Variants in CASKIN2 observed in about 807,000 individuals in gnomAD.
CASKIN2 encodes the protein caskin-2.
In CASKIN2, 41 loss-of-function variants were observed where a neutral mutation model predicts 107.1. The ratio of observed to expected loss-of-function variants is 0.38; its 90% CI spans 0.30 to 0.50. The LOEUF (loss-of-function observed/expected upper bound fraction) is 0.50, where lower values mean the gene tolerates loss of function less well. Ranked by LOEUF, CASKIN2 falls within the 20% of genes least tolerant of loss-of-function variation. CASKIN2 has a pLI of 0.92. For synonymous variants in CASKIN2, 724 were observed against 705.6 expected, an observed-to-expected ratio of 1.03 and a Z score of -0.41; for missense variants, 1,546 against 1,657.4, an observed-to-expected ratio of 0.93 and a Z score of 1.17.
At position 75,513,769 on chromosome 17, in the gene CASKIN2, C is replaced by A; in HGVS notation, c.36G>T (p.Lys12Asn). The A allele has an allele frequency of 6.2e-7, 1 of 1,613,882 alleles. No homozygotes were observed. The highest frequency in any genetic ancestry group is 8.5e-7 in the Non-Finnish European group (1 of 1,180,018). ...GREQDLILAV[K>N]NGDVTGVQKL... ...TCTGCACACCGGTCACATCTCCATTCTTGACGGCGAGGATCAGGTCCTGTT... is the reference window on the plus strand; with the variant it reads ...TCTGCACACCGGTCACATCTCCATTATTGACGGCGAGGATCAGGTCCTGTT... The change falls in exon 2 of 20, where the codon AAG becomes AAT. Residue 12 changes from lysine (K) to asparagine (N), a missense_variant. Physicochemically the swap from Lys to Asn is moderately conservative, Grantham distance 94. Transcript: ENST00000321617.
Position 75,506,744 on chromosome 17 carries a change from C to T in CASKIN2, c.487-31G>A. ...GCACCCAGTGCCCAGTTAGAGCCTC[C>T]TCCTGAGACCCTGTAGATGTCCAGG... On this transcript the variant is annotated intron_variant, in intron 6 of 19. Coordinates refer to ENST00000321617, the MANE Select transcript of CASKIN2 (RefSeq NM_020753.5). This position sits in a 1 kb window ranked among gnomAD's most constrained non-coding sequence, Gnocchi z 4.8. 1 of 1,613,684 alleles carries T rather than the reference C, an allele frequency of 6.2e-7. No homozygotes were observed. Among genetic ancestry groups the T allele is most frequent in the Admixed American group, 1.7e-5 (1 of 59,996 alleles).
chr17:75,514,595 G>A (rs1176162102), intron 1 of CASKIN2, among the ~76,000 whole-genome samples: 1 of 152,208 alleles, frequency 6.6e-6, no homozygotes, highest in Non-Finnish European at 1.5e-5. Context: ...GGGGCCGGGA[G>A]GGTCAGGCAC....
chr17:75,507,889 C>A (rs1275671684), intron 3 of CASKIN2: 23 of 580,152 alleles, frequency 4.0e-5, no homozygotes, highest in Non-Finnish European at 3.1e-6. Flanking sequence ...TTGTCTCGCC[C>A]CCCCGCCTCC....
At position 75,501,966 on chromosome 17, in the gene CASKIN2, A is replaced by G. The variant is rs754355746; in HGVS notation, c.3108T>C (p.Leu1036=). ...TPGESPPASS[L]PQPEPSSLPA... ...GAAGGCTGCTGGGCTCGGGCTGGGG[A>G]AGGCTAGAAGCTGGAGGAGACTCGC... Residue 1036 remains leucine (L), a synonymous_variant, in exon 18 of 20, where the codon CTT becomes CTC. Transcript: ENST00000321617. 4 of 1,608,928 alleles carry G rather than the reference A, an allele frequency of 2.5e-6. No homozygotes were observed. In the East Asian group the frequency reaches 6.7e-5, roughly 27 times the overall value.
At position 75,506,019 on chromosome 17, in the gene CASKIN2, C is replaced by A; in HGVS notation, c.727-90G>T. 6 of 1,170,744 alleles carry A rather than the reference C, an allele frequency of 5.1e-6. No homozygotes were observed. The highest frequency in any genetic ancestry group is 7.3e-6 in the Non-Finnish European group (6 of 819,152). 72.5% of individuals were successfully genotyped at this position (1,170,744 alleles called of 1,614,324 possible). A position where few individuals can be genotyped will look rare whatever the true frequency, so the allele number is the denominator to read the frequency against. ...GCTACCCGGGACATAGGTACTATTA[C>A]CATTTTCCGATTTTACAGATGAGGA... On this transcript the variant is annotated intron_variant, in intron 8 of 19. Transcript: ENST00000321617. The surrounding 1 kb of genome is among the most constrained non-coding windows in gnomAD (Gnocchi z 4.8).
In CASKIN2 at chr17:75,501,445, C is replaced by T. The variant is rs769985148; in HGVS notation, c.3518+23G>A. 6.3e-6 allele frequency: 10 copies of T among 1,592,998 alleles called. No homozygotes were observed. The Middle Eastern group carries it at 8.3e-4, about 133-fold the overall frequency. ...CACTGTTTCTCTGCAGCCTTCTCTC[C>T]CTCCCCATCCGGCCCCCCTCACCCC... On this transcript the variant is annotated intron_variant, in intron 19 of 19. Transcript: ENST00000321617.
chr17:75,506,631 G>A lies in CASKIN2; in HGVS notation c.569C>T (p.Thr190Ile). ...EAKDPCDPNY[T>I]TPLHLAAKNG... ...CTTGGCAGCCAAGTGCAGGGGCGTG[G>A]TGTAGTTGGGGTCACACGGGTCTTT... The change falls in exon 7 of 20, where the codon ACC becomes ATC. Residue 190 changes from threonine to isoleucine, a missense_variant. Thr to Ile is a moderately conservative substitution (Grantham distance 89). This residue lies in a region of CASKIN2 where 31 missense variants were observed against 28.7 expected (regional missense o/e 1.08). Coordinates refer to ENST00000321617, the MANE Select transcript of CASKIN2 (RefSeq NM_020753.5). The surrounding 1 kb of genome is among the most constrained non-coding windows in gnomAD (Gnocchi z 4.8). 6.2e-7 allele frequency: 1 copy of A among 1,613,066 alleles called. No individual in the cohort carries two copies. Among genetic ancestry groups the A allele is most frequent in the Non-Finnish European group, 8.5e-7 (1 of 1,179,914 alleles).
chr17:75,507,866 C>T lies in CASKIN2; in HGVS notation c.147-185G>A, dbSNP rs1261047799. On this transcript the variant is annotated intron_variant, in intron 3 of 19. Transcript: ENST00000321617. ...AGCATGAAAGGGCTCAGTGTCTGCACTGAGAGGCCCGTTTGTCTCGCCCCC... is the reference window on the plus strand; with the variant it reads ...AGCATGAAAGGGCTCAGTGTCTGCATTGAGAGGCCCGTTTGTCTCGCCCCC... The T allele has an allele frequency of 6.9e-5, 41 of 590,022 alleles. 1 individual carries two copies. In the South Asian group the frequency reaches 7.4e-4, roughly 11 times the overall value. The allele number at this position is 590,022 out of a possible 1,614,324, so 36.5% of individuals were successfully genotyped here. A position where few individuals can be genotyped will look rare whatever the true frequency, so the allele number is the denominator to read the frequency against.
chr17:75,511,168 C>T (rs1162692326), intron 2 of CASKIN2, among the ~76,000 whole-genome samples: 1 of 151,342 alleles, frequency 6.6e-6, no homozygotes, highest in African/African-American at 2.4e-5. Flanking sequence ...TCAAGCGATC[C>T]TCCTGCCTCA....
Position 75,506,432 on chromosome 17 carries a change from G to T in CASKIN2, c.618-19C>A. The T allele has an allele frequency of 6.2e-7, 1 of 1,600,762 alleles. No homozygotes were observed. The stretch of plus-strand genomic sequence containing the variant: ...GAGCTGCCTGCAGTGGACGGGGGGA[G>T]TCACGGGGGAGGTGGCGTAGGAGGG... On this transcript the variant is annotated intron_variant, in intron 7 of 19. Transcript: ENST00000321617. The surrounding 1 kb of genome is among the most constrained non-coding windows in gnomAD (Gnocchi z 4.8).
At position 75,505,421 on chromosome 17, in the gene CASKIN2, T is replaced by A; in HGVS notation, c.930+136A>T. On this transcript the variant is annotated intron_variant, in intron 10 of 19. Coordinates refer to ENST00000321617, the MANE Select transcript of CASKIN2 (RefSeq NM_020753.5). The surrounding 1 kb of genome is among the most constrained non-coding windows in gnomAD (Gnocchi z 5.1). ...AAGAAGAAATGCTAACAGCACTGCC[T>A]TCCCTGGCTTTAAGAAGAATTAAAT... 1.3e-6 allele frequency: 1 copy of A among 792,106 alleles called. No individual in the cohort carries two copies. The highest frequency in any genetic ancestry group is 1.7e-5 in the African/African-American group (1 of 58,180). 49.1% of individuals were successfully genotyped at this position (792,106 alleles called of 1,614,324 possible).
In CASKIN2 at chr17:75,513,901, G is replaced by T; in HGVS notation, c.-97C>A. 1 of 1,110,102 alleles carries T rather than the reference G, an allele frequency of 9.0e-7. No homozygotes were observed. The highest frequency in any genetic ancestry group is 1.3e-6 in the Non-Finnish European group (1 of 750,610). The allele number at this position is 1,110,102 out of a possible 1,614,324, so 68.8% of individuals were successfully genotyped here. A position where few individuals can be genotyped will look rare whatever the true frequency, so the allele number is the denominator to read the frequency against. ...TCAGGGCGCCATGCCACAGCCCCTTGGAGGGCTCCCGGTTCCGGGGGAGCA... is the reference window on the plus strand; with the variant it reads ...TCAGGGCGCCATGCCACAGCCCCTTTGAGGGCTCCCGGTTCCGGGGGAGCA... On this transcript the variant is annotated 5_prime_UTR_variant, in exon 2 of 20. Coordinates refer to ENST00000321617, the MANE Select transcript of CASKIN2 (RefSeq NM_020753.5).
At position 75,506,275 on chromosome 17, in the gene CASKIN2, A is replaced by ACC. The variant is rs1567995757; in HGVS notation, c.726+28_726+29dup. 1 of 1,549,092 alleles carries ACC rather than the reference A, an allele frequency of 6.5e-7. No homozygotes were observed. Among genetic ancestry groups the ACC allele is most frequent in the African/African-American group, 1.4e-5 (1 of 73,866 alleles). Reference sequence around the variant, plus strand: ...GGCACAGGGCAGAGGCTCCATGGACACCTGCGAGGGAGCAGGGGCCCATAC... The same window carrying ACC: ...GGCACAGGGCAGAGGCTCCATGGACACCCCTGCGAGGGAGCAGGGGCCCATAC... On this transcript the variant is annotated intron_variant, in intron 8 of 19. Coordinates refer to ENST00000321617, the MANE Select transcript of CASKIN2 (RefSeq NM_020753.5). The surrounding 1 kb of genome is among the most constrained non-coding windows in gnomAD (Gnocchi z 4.8).
In CASKIN2 at chr17:75,508,962, G is replaced by A. The variant is rs117271063; in HGVS notation, c.95-677C>T. On this transcript the variant is annotated intron_variant, in intron 2 of 19. Transcript: ENST00000321617. ...CTGACATGTGGGCAAATACCATCCC[G>A]ATGTTAGGGCGATGGTCCTCCAACA... 1.6e-4 allele frequency among the ~76,000 whole-genome samples: 24 copies of A among 152,328 alleles called. No homozygotes were observed. The East Asian group carries it at 4.2e-3, about 27-fold the overall frequency.
Position 75,505,266 on chromosome 17 carries a change from C to T in CASKIN2, c.931-193G>A, listed in dbSNP as rs578153258. 1.5e-6 allele frequency: 1 copy of T among 678,722 alleles called. No individual in the cohort carries two copies. Among genetic ancestry groups the T allele is most frequent in the African/African-American group, 1.8e-5 (1 of 55,566 alleles). 42.0% of individuals were successfully genotyped at this position (678,722 alleles called of 1,614,324 possible). A position where few individuals can be genotyped will look rare whatever the true frequency, so the allele number is the denominator to read the frequency against. ...AGCCAGCTCAATCTCCCCTGTGCCT[C>T]CAGGGCGAGCCCCAGTGGCAGCCCG... On this transcript the variant is annotated intron_variant, in intron 10 of 19. Coordinates refer to ENST00000321617, the MANE Select transcript of CASKIN2 (RefSeq NM_020753.5). The surrounding 1 kb of genome is among the most constrained non-coding windows in gnomAD (Gnocchi z 5.1).
intron 2 of CASKIN2, among the ~76,000 whole-genome samples, chr17:75,513,484 A>G (rs2053331459): frequency 6.6e-6 from 1 of 152,152 alleles, no homozygotes; most frequent in African/African-American, 2.4e-5. Flanking sequence ...CTAATTTTGC[A>G]GGCCAGGAAA....
Position 75,506,758 on chromosome 17 carries a change from T to TA in CASKIN2, c.486+40dup. ...GTTAGAGCCTCCTCCTGAGACCCTG[T>TA]AGATGTCCAGGACCCAGCACCCCAA... On this transcript the variant is annotated intron_variant, in intron 6 of 19. Coordinates refer to ENST00000321617, the MANE Select transcript of CASKIN2 (RefSeq NM_020753.5). The surrounding 1 kb of genome is among the most constrained non-coding windows in gnomAD (Gnocchi z 4.8). 1 of 1,613,692 alleles carries TA rather than the reference T, an allele frequency of 6.2e-7. No individual in the cohort carries two copies. Among genetic ancestry groups the TA allele is most frequent in the Non-Finnish European group, 8.5e-7 (1 of 1,179,962 alleles).
At chr17:75,512,173 G>C (rs990269447) in intron 2 of CASKIN2, among the ~76,000 whole-genome samples, 1 of 152,198 alleles carries the variant, frequency 6.6e-6, no homozygotes, top group African/African-American at 2.4e-5. Context: ...CAGGTAGCCT[G>C]GGGGACTCCT....
Position 75,501,844 on chromosome 17 carries a change from C to A in CASKIN2, c.3230G>T (p.Ser1077Ile). ...PGPGLESSAASRWNGETEPPA... is the reference protein window; with the variant it reads ...PGPGLESSAAIRWNGETEPPA... ...GGGTTCTGTCTCCCCATTCCACCGA[C>A]TAGCTGCTGAGCTTTCCAGACCTGG... Residue 1077 changes from serine to isoleucine, a missense_variant, in exon 18 of 20, where the codon AGT (serine) becomes ATT (isoleucine). Physicochemically the swap from Ser to Ile is moderately radical, Grantham distance 142 (BLOSUM62 -2). This residue lies in a region of CASKIN2 where 1,311 missense variants were observed against 1,311.0 expected (regional missense o/e 1.00). Transcript: ENST00000321617. 4 of 1,559,046 alleles carry A rather than the reference C, an allele frequency of 2.6e-6. No individual in the cohort carries two copies. The highest frequency in any genetic ancestry group is 2.5e-5 in the South Asian group (2 of 81,068).
Sources: allele counts gnomAD v4.1 joint callset (sites outside exome capture counted in the v4.1 genomes callset), GRCh38; gene constraint gnomAD v4.1.1; regional missense constraint gnomAD v4.1.1; non-coding constraint Gnocchi (gnomAD v3.1); transcripts MANE v1.5; gene names NCBI Gene and HGNC (gene_info 2026-07-23, HGNC 2026-07-21).